Variants in ACTR3C observed in about 807,000 individuals in gnomAD.
ACTR3C encodes the protein actin related protein 3C.
Under a neutral mutation model 26.3 loss-of-function variants are expected in ACTR3C, and 18 were observed. The observed-to-expected ratio is 0.68, with a 90% CI of 0.47 to 1.01. ACTR3C has a LOEUF of 1.01. Among genes scored for constraint, ACTR3C ranks in the 50% least tolerant of loss-of-function variants. The pLI is 0.00. For missense variants in ACTR3C, 184 were observed against 250.7 expected (o/e 0.73, Z 1.80); for synonymous variants, 55 against 94.5 (o/e 0.58, Z 2.42).
chr7:150,232,889 C>T, the ACTR3C span, among the ~76,000 whole-genome samples: 1 of 151,894 alleles, frequency 6.6e-6, no homozygotes, highest in Non-Finnish European at 1.5e-5. Flanking sequence ...TTTAAGTAAT[C>T]TAACTCCACC....
the ACTR3C span, among the ~76,000 whole-genome samples, chr7:150,113,462 G>A: frequency 6.6e-6 from 1 of 152,194 alleles, no homozygotes; most frequent in South Asian, 2.1e-4. Context: ...TAGTTCACAA[G>A]GGGAGTCTGG....
At chr7:150,173,416 G>T in the ACTR3C span, among the ~76,000 whole-genome samples, 1 of 146,932 alleles carries the variant, frequency 6.8e-6, no homozygotes, top group Non-Finnish European at 1.5e-5. Context: ...GAGTAACTGG[G>T]ACACAGGGTA....
the ACTR3C span, among the ~76,000 whole-genome samples, chr7:150,166,043 T>C: frequency 4.6e-5 from 7 of 151,626 alleles, no homozygotes; most frequent in Non-Finnish European, 8.8e-5. Flanking sequence ...TAGAACATTG[T>C]CTAAAAAATT....
the ACTR3C span, among the ~76,000 whole-genome samples, chr7:150,083,887 G>A: frequency 2.6e-5 from 4 of 152,160 alleles, no homozygotes; most frequent in African/African-American, 9.7e-5. Context: ...CACTGTTGGT[G>A]GGGATTAAAT....
At chr7:149,966,859 C>T in the ACTR3C span, among the ~76,000 whole-genome samples, 1 of 149,522 alleles carries the variant, frequency 6.7e-6, no homozygotes, top group Admixed American at 6.7e-5. Flanking sequence ...TTTTTCTTTC[C>T]TTTTTTTTTG....
chr7:150,236,472 C>T, the ACTR3C span, among the ~76,000 whole-genome samples: 8,985 of 152,200 alleles, frequency 0.059, 487 homozygotes, highest in African/African-American at 0.14. Context: ...TCTAGATACA[C>T]ACTGCAAAAG....
At chr7:150,039,285 C>A in the ACTR3C span, among the ~76,000 whole-genome samples, 9 of 149,618 alleles carry the variant, frequency 6.0e-5, no homozygotes, top group Admixed American at 1.3e-4. Context: ...TGCCTCCCCC[C>A]TCCTGCGATG....
chr7:150,115,385 A>T, the ACTR3C span, among the ~76,000 whole-genome samples: 159 of 152,318 alleles, frequency 1.0e-3, 1 homozygote, highest in Non-Finnish European at 1.6e-3. Flanking sequence ...TTAGTCCTCG[A>T]CAGAATTTCT....
the ACTR3C span, among the ~76,000 whole-genome samples, chr7:150,182,169 C>T: frequency 6.7e-6 from 1 of 150,282 alleles, no homozygotes; most frequent in African/African-American, 2.5e-5. Context: ...AGATCAAAAA[C>T]GAACAAGCAG....
At chr7:150,038,891 C>CG in the ACTR3C span, among the ~76,000 whole-genome samples, 1 of 59,030 alleles carries the variant, frequency 1.7e-5, no homozygotes, top group Non-Finnish European at 4.1e-5. Context: ...GGGGGTGCCT[C>CG]CCCCCTGCGA....
the ACTR3C span, among the ~76,000 whole-genome samples, chr7:150,014,746 G>A: frequency 6.6e-6 from 1 of 152,204 alleles, no homozygotes; most frequent in Non-Finnish European, 1.5e-5. Flanking sequence ...CTGTGAGCCA[G>A]GACTTTCTGC....
chr7:150,036,557 G>C, the ACTR3C span, among the ~76,000 whole-genome samples: 338 of 144,356 alleles, frequency 2.3e-3, 11 homozygotes, highest in African/African-American at 8.0e-3. Context: ...CCGGGTCCCC[G>C]ACCCCTTTGT....
chr7:150,267,830 G>A (rs1188242203), intron 6 of ACTR3C, among the ~76,000 whole-genome samples: 2 of 152,174 alleles, frequency 1.3e-5, no homozygotes, highest in Non-Finnish European at 2.9e-5. Context: ...GGAAGCAGAT[G>A]GGTGCCTTCC....
chr7:149,886,380 A>T, the ACTR3C span, among the ~76,000 whole-genome samples: 2 of 152,216 alleles, frequency 1.3e-5, no homozygotes, highest in East Asian at 3.8e-4. Context: ...CTCAGTAAAA[A>T]CACAAATGCT....
chr7:150,037,018 A>C, the ACTR3C span, among the ~76,000 whole-genome samples: 16 of 88,952 alleles, frequency 1.8e-4, no homozygotes, highest in East Asian at 1.2e-3. Context: ...TGGGGGTACC[A>C]ACAGCCAGGG....
the ACTR3C span, among the ~76,000 whole-genome samples, chr7:150,058,506 G>T: frequency 6.6e-6 from 1 of 152,214 alleles, no homozygotes; most frequent in African/African-American, 2.4e-5. Context: ...TGGTAAGAGA[G>T]AGTGGTCAGA....
At chr7:149,922,528 C>T in the ACTR3C span, among the ~76,000 whole-genome samples, 3 of 151,630 alleles carry the variant, frequency 2.0e-5, no homozygotes, top group East Asian at 3.9e-4. Flanking sequence ...CCTTCAGATA[C>T]GTATGCTTAG....
chr7:150,039,284 C>G, the ACTR3C span, among the ~76,000 whole-genome samples: 1 of 151,000 alleles, frequency 6.6e-6, no homozygotes, highest in African/African-American at 2.4e-5. Flanking sequence ...GTGCCTCCCC[C>G]CTCCTGCGAT....
chr7:150,075,493 G>A, the ACTR3C span, among the ~76,000 whole-genome samples: 2 of 151,874 alleles, frequency 1.3e-5, no homozygotes, highest in East Asian at 3.9e-4. Context: ...GCACAAAGGA[G>A]GGAAATAATC....
Sources: allele counts gnomAD v4.1 joint callset (sites outside exome capture counted in the v4.1 genomes callset), GRCh38; gene constraint gnomAD v4.1.1; transcripts MANE v1.5; gene names NCBI Gene and HGNC (gene_info 2026-07-23, HGNC 2026-07-21).